The following PDS5A variants were observed in gnomAD, a reference collection of about 807,000 sequenced individuals.
The protein encoded by PDS5A is PDS5 cohesin associated factor A.
PDS5A carries 42 observed loss-of-function variants against 167.1 expected under a neutral mutation model. That is an observed-to-expected ratio of 0.25 (90% CI 0.20 to 0.33). The LOEUF is 0.33. Among genes scored for constraint, PDS5A ranks in the 10% least tolerant of loss-of-function variants. The pLI is 1.00. For missense variants in PDS5A, 1,033 were observed against 1,605.9 expected (o/e 0.64, Z 6.10); for synonymous variants, 553 against 554.6 (o/e 1.00, Z 0.04).
At chr4:39,914,312 C>T (rs922683634) in intron 8 of PDS5A, among the ~76,000 whole-genome samples, 1 of 151,960 alleles carries the variant, frequency 6.6e-6, no homozygotes, top group Non-Finnish European at 1.5e-5. Flanking sequence ...CAGGCGCCCA[C>T]CACCGCACCA....
chr4:39,882,630 T>G (rs1721060013), intron 17 of PDS5A, among the ~76,000 whole-genome samples: 2 of 152,216 alleles, frequency 1.3e-5, no homozygotes, highest in African/African-American at 4.8e-5. Context: ...ACCTGTCATG[T>G]GCCAAGTCTT....
intron 2 of PDS5A, among the ~76,000 whole-genome samples, chr4:39,938,410 C>A (rs753745320): frequency 3.3e-5 from 5 of 151,888 alleles, no homozygotes; most frequent in Admixed American, 2.0e-4. Flanking sequence ...CAAAAATCAG[C>A]CAGGCGTGGT....
At chr4:39,952,971 T>C (rs1306945351) in intron 2 of PDS5A, among the ~76,000 whole-genome samples, 1 of 152,180 alleles carries the variant, frequency 6.6e-6, no homozygotes, top group East Asian at 1.9e-4. Context: ...TTAGGTTATC[T>C]GCCAGCCTTG....
intron 17 of PDS5A, among the ~76,000 whole-genome samples, chr4:39,885,669 C>T (rs545795158): frequency 1.3e-5 from 2 of 152,080 alleles, no homozygotes; most frequent in African/African-American, 4.8e-5. Context: ...AATCCCAACA[C>T]TTTTGGAGGC....
chr4:39,938,023 G>A (rs1362655357), intron 2 of PDS5A, among the ~76,000 whole-genome samples: 2 of 152,160 alleles, frequency 1.3e-5, no homozygotes, highest in African/African-American at 4.8e-5. Context: ...ACACAGAATT[G>A]TGGCCAATCA....
intron 17 of PDS5A, among the ~76,000 whole-genome samples, chr4:39,884,582 C>T (rs1404256363): frequency 6.6e-6 from 1 of 152,176 alleles, no homozygotes; most frequent in African/African-American, 2.4e-5. Context: ...TTTCCTAATC[C>T]ATTCGATGAT....
At chr4:39,943,020 G>C (rs184865359) in intron 2 of PDS5A, among the ~76,000 whole-genome samples, 19 of 152,040 alleles carry the variant, frequency 1.2e-4, no homozygotes, top group African/African-American at 4.3e-4. Flanking sequence ...CTGAAGGAAT[G>C]AAATGCATTA....
chr4:39,953,511 G>A (rs1312014192), intron 2 of PDS5A, among the ~76,000 whole-genome samples: 1 of 151,208 alleles, frequency 6.6e-6, no homozygotes, highest in Non-Finnish European at 1.5e-5. Flanking sequence ...TGGGAGGATC[G>A]CTTGAGCCCA....
chr4:39,826,720 C>T (rs1024862319), intron 32 of PDS5A, among the ~76,000 whole-genome samples: 15 of 151,986 alleles, frequency 9.9e-5, no homozygotes, highest in Non-Finnish European at 2.2e-4. Context: ...CTCTAGACCT[C>T]GTGGTCTGCC....
chr4:39,848,995 TAA>T, intron 27 of PDS5A, 25 bp from the exon 28 acceptor site: 1 of 1,475,284 alleles, frequency 6.8e-7, no homozygotes, highest in Non-Finnish European at 9.2e-7. Flanking sequence ...GAATCATATA[TAA>T]CTTTTAGTAT....
At chr4:39,856,815 CAAAT>C (rs1467685310) in intron 26 of PDS5A, among the ~76,000 whole-genome samples, 1 of 151,706 alleles carries the variant, frequency 6.6e-6, no homozygotes, top group Non-Finnish European at 1.5e-5. Flanking sequence ...GACTCTGTCT[CAAAT>C]AAATACATAA....
Position 39,822,893 on chromosome 4 carries a change from CAG to C in PDS5A, c.*2590_*2591del, listed in dbSNP as rs1278949634. ...CTGCATTTCTTGGTTTTATTTGAAA[CAG>C]TGCATATTTTTAGCATTTTATGGTA... On this transcript the variant is annotated 3_prime_UTR_variant, in exon 33 of 33. Transcript: ENST00000303538. The C allele has an allele frequency of 6.6e-6, 1 of 152,594 alleles. No homozygotes were observed. Among genetic ancestry groups the C allele is most frequent in the African/African-American group, 2.4e-5 (1 of 41,444 alleles). The allele number at this position is 152,594 out of a possible 1,614,324, so 9.5% of individuals were successfully genotyped here.
At chr4:39,929,778 C>T (rs965086409) in intron 2 of PDS5A, among the ~76,000 whole-genome samples, 1 of 150,468 alleles carries the variant, frequency 6.6e-6, no homozygotes, top group African/African-American at 2.4e-5. Flanking sequence ...AAGGGACTTG[C>T]TTTGTTGCCT....
At position 39,963,075 on chromosome 4, in the gene PDS5A, C is replaced by T. The variant is rs377376545; in HGVS notation, c.138+13365G>A. Among the ~76,000 whole-genome samples, 29 of 151,164 alleles carry T rather than the reference C, an allele frequency of 1.9e-4. No homozygotes were observed. In the South Asian group the frequency reaches 5.6e-3, roughly 29 times the overall value. On this transcript the variant is annotated intron_variant, in intron 2 of 32. Transcript: ENST00000303538. ...GGCTCACGCCTGTAATTCCAGCACTCTGGGACACCAAGGCAGGTGGATCAC... is the reference window on the plus strand; with the variant it reads ...GGCTCACGCCTGTAATTCCAGCACTTTGGGACACCAAGGCAGGTGGATCAC...
intron 2 of PDS5A, among the ~76,000 whole-genome samples, chr4:39,975,520 G>A (rs1254183716): frequency 6.6e-6 from 1 of 152,168 alleles, no homozygotes; most frequent in Non-Finnish European, 1.5e-5. Flanking sequence ...ACTCTGAAAA[G>A]TTGTTAAATC....
intron 2 of PDS5A, among the ~76,000 whole-genome samples, chr4:39,929,241 G>A (rs1244558951): frequency 6.6e-6 from 1 of 152,010 alleles, no homozygotes; most frequent in African/African-American, 2.4e-5. Context: ...GTGTTGCCAA[G>A]AGATTACATT....
At chr4:39,841,506 C>T (rs1717012906) in intron 31 of PDS5A, among the ~76,000 whole-genome samples, 1 of 151,484 alleles carries the variant, frequency 6.6e-6, no homozygotes, top group African/African-American at 2.4e-5. Context: ...GGTAGGTGAC[C>T]ACACAAATTT....
intron 16 of PDS5A, 156 bp downstream of exon 16, chr4:39,898,233 T>C (rs770824738): frequency 2.3e-6 from 3 of 1,303,896 alleles, no homozygotes; most frequent in Non-Finnish European, 2.9e-6. Context: ...GAATGGTAAA[T>C]AGAGAATTAA....
At chr4:39,836,706 T>C (rs1471058710) in intron 32 of PDS5A, among the ~76,000 whole-genome samples, 1 of 148,116 alleles carries the variant, frequency 6.8e-6, no homozygotes, top group Non-Finnish European at 1.5e-5. Context: ...TCACGTGATC[T>C]ACCCGCCGTG....
Sources: allele counts gnomAD v4.1 joint callset (sites outside exome capture counted in the v4.1 genomes callset), GRCh38; gene constraint gnomAD v4.1.1; transcripts MANE v1.5; gene names NCBI Gene and HGNC (gene_info 2026-07-23, HGNC 2026-07-21).